The following RAPGEF1 variants were observed in gnomAD, a reference collection of about 807,000 sequenced individuals.
The protein encoded by RAPGEF1 is CRK SH3-binding GNRP.
In RAPGEF1, 33 loss-of-function variants were observed where a neutral mutation model predicts 143.3. That is an observed-to-expected ratio of 0.23 (90% CI 0.17 to 0.31). The LOEUF (loss-of-function observed/expected upper bound fraction) is 0.31, where lower values mean the gene tolerates loss of function less well. Ranked by LOEUF, RAPGEF1 falls within the 10% of genes least tolerant of loss-of-function variation. The pLI, the probability that RAPGEF1 is intolerant of heterozygous loss-of-function variation, is 1.00. For synonymous variants in RAPGEF1, 629 were observed against 676.5 expected (o/e 0.93, Z 1.09); for missense variants, 1,199 against 1,645.4 (o/e 0.73, Z 4.69).
intron 3 of RAPGEF1, among the ~76,000 whole-genome samples, chr9:131,644,124 G>A (rs1045960522): frequency 2.6e-5 from 4 of 152,190 alleles, no homozygotes; most frequent in Admixed American, 1.3e-4. Context: ...CTCTGCTCCT[G>A]AGAGAAGCCC....
intron 15 of RAPGEF1, among the ~76,000 whole-genome samples, chr9:131,600,046 G>A (rs1206453509): frequency 6.6e-6 from 1 of 152,100 alleles, no homozygotes; most frequent in Non-Finnish European, 1.5e-5. Flanking sequence ...AACCCAGGAG[G>A]TGGAGGTTGC....
intron 1 of RAPGEF1, among the ~76,000 whole-genome samples, chr9:131,652,246 C>A (rs1052005012): frequency 1.3e-5 from 2 of 150,248 alleles, no homozygotes; most frequent in African/African-American, 4.9e-5. Context: ...TTAAAAAAAA[C>A]ATTTTTATTC....
chr9:131,598,303 T>C lies in RAPGEF1; in HGVS notation c.2509A>G (p.Lys837Glu). 1 of 1,613,832 alleles carries C rather than the reference T, an allele frequency of 6.2e-7. No homozygotes were observed. The highest frequency in any genetic ancestry group is 8.5e-7 in the Non-Finnish European group (1 of 1,179,818). Residue 837 changes from lysine to glutamate, a missense_variant, in exon 16 of 27, where the codon AAG becomes GAG. This residue lies in a region of RAPGEF1 where 293 missense variants were observed against 356.2 expected (regional missense o/e 0.82). Coordinates refer to ENST00000683357, the MANE Select transcript of RAPGEF1 (RefSeq NM_001377935.1). ...DSRDGSERAP[K>E]SPDALESAQS... is the part of the protein sequence containing the mutation. ...GCCGACTCCAGAGCATCTGGTGACT[T>C]TGGGGCCCTGCGGGGAGAAGTGGTT...
intron 22 of RAPGEF1, among the ~76,000 whole-genome samples, chr9:131,585,875 T>G (rs1200715466): frequency 2.0e-5 from 3 of 152,102 alleles, no homozygotes; most frequent in Non-Finnish European, 4.4e-5. Flanking sequence ...TGGGATTCAT[T>G]TTGCTTTAAG....
At chr9:131,592,017 A>G in intron 18 of RAPGEF1, 82 bp downstream of exon 18, 1 of 1,092,896 alleles carries the variant, frequency 9.2e-7, no homozygotes, top group Non-Finnish European at 1.4e-6. Flanking sequence ...GGCTTCCCCC[A>G]CGAGGACTGA....
In RAPGEF1 at chr9:131,650,024, AAC is replaced by A; in HGVS notation, c.315+103_315+104del. ...TCAGCCCACGGTCACCACCCAGTTG[AAC>A]ATAATAATAGTGCAATAGAGTTTTT... On this transcript the variant is annotated intron_variant, in intron 3 of 26. Coordinates refer to ENST00000683357, the MANE Select transcript of RAPGEF1 (RefSeq NM_001377935.1). The surrounding 1 kb of genome is among the most constrained non-coding windows in gnomAD (Gnocchi z 4.7). 1.1e-6 allele frequency: 1 copy of A among 892,642 alleles called. No homozygotes were observed. The highest frequency in any genetic ancestry group is 1.7e-6 in the Non-Finnish European group (1 of 586,650). 55.3% of individuals were successfully genotyped at this position (892,642 alleles called of 1,614,324 possible). A position where few individuals can be genotyped will look rare whatever the true frequency, so the allele number is the denominator to read the frequency against.
chr9:131,701,303 T>A (rs1834629749), intron 1 of RAPGEF1, among the ~76,000 whole-genome samples: 1 of 152,222 alleles, frequency 6.6e-6, no homozygotes, highest in East Asian at 1.9e-4. Flanking sequence ...GATGACAGAA[T>A]GAAGTTTCCT....
chr9:131,719,470 T>C (rs1014351162), intron 1 of RAPGEF1, among the ~76,000 whole-genome samples: 2 of 152,126 alleles, frequency 1.3e-5, no homozygotes, highest in Non-Finnish European at 2.9e-5. Context: ...TTCTCTATTT[T>C]ATAAGGGTTT....
chr9:131,580,653 C>T (rs572855958), intron 25 of RAPGEF1, among the ~76,000 whole-genome samples: 1 of 152,170 alleles, frequency 6.6e-6, no homozygotes, highest in East Asian at 1.9e-4. Context: ...CATGGCTCAA[C>T]CCATAAGGGC....
chr9:131,644,063 T>G (rs1968832831), intron 3 of RAPGEF1, among the ~76,000 whole-genome samples: 9 of 152,164 alleles, frequency 5.9e-5, no homozygotes, highest in Admixed American at 5.9e-4. Flanking sequence ...ACCGTGATTC[T>G]CAAGATTCAA....
At chr9:131,717,398 C>A (rs1835934678) in intron 1 of RAPGEF1, among the ~76,000 whole-genome samples, 1 of 152,210 alleles carries the variant, frequency 6.6e-6, no homozygotes. Flanking sequence ...TGAGCGTCAG[C>A]TATGTGCCAG....
chr9:131,727,468 C>T (rs1473691288), intron 1 of RAPGEF1, among the ~76,000 whole-genome samples: 3 of 152,140 alleles, frequency 2.0e-5, no homozygotes, highest in South Asian at 2.1e-4. Flanking sequence ...GGTTCAGAGG[C>T]CCAGGAAGGA....
chr9:131,607,800 G>A (rs1957348656), intron 12 of RAPGEF1, among the ~76,000 whole-genome samples: 1 of 152,144 alleles, frequency 6.6e-6, no homozygotes, highest in Admixed American at 6.5e-5. Flanking sequence ...TAGCCTCATC[G>A]GCGCCCCCGT....
At chr9:131,586,347 G>A (rs1416338554) in intron 22 of RAPGEF1, among the ~76,000 whole-genome samples, 2 of 86,874 alleles carry the variant, frequency 2.3e-5, no homozygotes, top group Non-Finnish European at 4.4e-5. Flanking sequence ...GCAAGACTCC[G>A]TCTCAAACAC....
chr9:131,598,675 C>T, intron 15 of RAPGEF1: 1 of 415,402 alleles, frequency 2.4e-6, no homozygotes, highest in East Asian at 6.8e-5. Context: ...GAGAAAGCTG[C>T]ATTGCTCTTG....
chr9:131,624,574 G>T (rs1962356411), intron 10 of RAPGEF1, among the ~76,000 whole-genome samples: 1 of 152,194 alleles, frequency 6.6e-6, no homozygotes, highest in South Asian at 2.1e-4. Flanking sequence ...TTGCAAGGAT[G>T]CCATCCTGCC....
chr9:131,580,487 G>C (rs1227816118), intron 25 of RAPGEF1, 96 bp from the exon 26 acceptor site: 13 of 1,405,962 alleles, frequency 9.2e-6, no homozygotes, highest in Non-Finnish European at 1.2e-5. Context: ...GCAGTGAGCA[G>C]CTTCCAAACC....
rs867570471 is a variant in RAPGEF1 at position 131,667,504 on chromosome 9, G to A, written c.62-16555C>T. Among the ~76,000 whole-genome samples the A allele has an allele frequency of 3.3e-5, 5 of 152,300 alleles. No individual in the cohort carries two copies. The highest frequency in any genetic ancestry group is 3.4e-3 in the Middle Eastern group (1 of 294). ...TGATGGCCTCAAGAAATGTCACTGT[G>A]CAAGGTCTGGTGATGGAATGCATGG... On this transcript the variant is annotated intron_variant, in intron 1 of 26. Coordinates refer to ENST00000683357, the MANE Select transcript of RAPGEF1 (RefSeq NM_001377935.1). This position sits in a 1 kb window ranked among gnomAD's most constrained non-coding sequence, Gnocchi z 4.6.
At chr9:131,719,280 T>C (rs1836083700) in intron 1 of RAPGEF1, among the ~76,000 whole-genome samples, 1 of 152,228 alleles carries the variant, frequency 6.6e-6, no homozygotes, top group Non-Finnish European at 1.5e-5. Context: ...TCCCAACTGC[T>C]CAGCTTCTGG....
Sources: gnomAD v4.1 joint callset for allele counts (sites outside exome capture counted in the v4.1 genomes callset) on GRCh38, gnomAD v4.1.1 for gene constraint, gnomAD v4.1.1 regional missense constraint, Gnocchi (gnomAD v3.1) non-coding constraint, MANE v1.5 for transcripts, NCBI Gene and HGNC (gene_info 2026-07-23, HGNC 2026-07-21) for gene names.